PRKCH: variants seen among roughly 807,000 people sequenced by gnomAD.
PRKCH encodes protein kinase C eta, also known as protein kinase C eta type.
Under a neutral mutation model 82.5 loss-of-function variants are expected in PRKCH, and 28 were observed. That is an observed-to-expected ratio of 0.34 (90% CI 0.25 to 0.47). The LOEUF is 0.47. Ranked by LOEUF, PRKCH falls within the 20% of genes least tolerant of loss-of-function variation. The probability of loss-of-function intolerance (pLI) is 1.00; values close to 1 mark genes in which losing one functional copy is unlikely to be tolerated. For missense variants in PRKCH, 705 were observed against 881.8 expected (o/e 0.80, Z 2.54); for synonymous variants, 322 against 327.4 (o/e 0.98, Z 0.18).
intron 4 of PRKCH, among the ~76,000 whole-genome samples, chr14:61,446,737 C>T (rs1452947599): frequency 4.6e-5 from 7 of 152,216 alleles, no homozygotes; most frequent in East Asian, 3.8e-4. Context: ...AAGCCAGAAT[C>T]GCTGTCACTT....
intron 1 of PRKCH, among the ~76,000 whole-genome samples, chr14:61,339,161 C>T (rs1055378667): frequency 6.6e-6 from 1 of 151,532 alleles, no homozygotes; most frequent in African/African-American, 2.4e-5. Flanking sequence ...TCTGCTTGGG[C>T]CATTGTTTAG....
chr14:61,236,317 T>G (rs1242882819), intron 1 of PRKCH, among the ~76,000 whole-genome samples: 1 of 152,214 alleles, frequency 6.6e-6, no homozygotes, highest in Non-Finnish European at 1.5e-5. Flanking sequence ...CTGGACTGCA[T>G]TCCCAGATGG....
upstream of PRKCH, among the ~76,000 whole-genome samples, chr14:61,320,773 A>T (rs906303186): frequency 6.6e-6 from 1 of 152,132 alleles, no homozygotes; most frequent in African/African-American, 2.4e-5. Flanking sequence ...AAGGCTGCCC[A>T]CTCTGACTGC....
chr14:61,364,012 G>GTA (rs1437704390), intron 1 of PRKCH, among the ~76,000 whole-genome samples: 9 of 146,024 alleles, frequency 6.2e-5, no homozygotes, highest in African/African-American at 1.8e-4. Context: ...ATATTTGTGT[G>GTA]TATATATATA....
chr14:61,510,561 T>C (rs1411901015), intron 10 of PRKCH, among the ~76,000 whole-genome samples: 1 of 152,082 alleles, frequency 6.6e-6, no homozygotes, highest in Non-Finnish European at 1.5e-5. Flanking sequence ...GAGTACAGTT[T>C]AGTTTTTGTT....
At chr14:61,260,824 C>T (rs896575337) in intron 1 of PRKCH, among the ~76,000 whole-genome samples, 7 of 152,060 alleles carry the variant, frequency 4.6e-5, no homozygotes, top group African/African-American at 1.4e-4. Flanking sequence ...AATCACAAAA[C>T]GTGAAATGAA....
chr14:61,500,945 T>C (rs983267871), intron 10 of PRKCH, among the ~76,000 whole-genome samples: 1 of 152,108 alleles, frequency 6.6e-6, no homozygotes, highest in Non-Finnish European at 1.5e-5. Context: ...CAGACTCAGG[T>C]TGATTGCATG....
Position 61,280,252 on chromosome 14 carries a change from T to C in PRKCH, c.-19+92584T>C. The C allele has an allele frequency of 1.2e-6, 2 of 1,614,088 alleles. No individual in the cohort carries two copies. Among genetic ancestry groups the C allele is most frequent in the East Asian group, 4.5e-5 (2 of 44,866 alleles). ...GATGCTGCTGAAGATGAGGAGCTTG[T>C]GGCCGCCGAACGCGCGCACCGGGTA... On this transcript the variant is annotated intron_variant, in intron 1 of 3. Transcript: ENST00000555185. This position sits in a 1 kb window ranked among gnomAD's most constrained non-coding sequence, Gnocchi z 5.0.
intron 1 of PRKCH, among the ~76,000 whole-genome samples, chr14:61,372,301 A>C (rs1057140164): frequency 6.6e-6 from 1 of 152,108 alleles, no homozygotes; most frequent in South Asian, 2.1e-4. Flanking sequence ...AGCTGACGGA[A>C]CAGAGAAATA....
chr14:61,237,182 G>C (rs1284546108), intron 1 of PRKCH, among the ~76,000 whole-genome samples: 2 of 150,044 alleles, frequency 1.3e-5, no homozygotes, highest in Admixed American at 1.3e-4. Flanking sequence ...GGTGGAAGTT[G>C]CAGTAAGCTG....
chr14:61,255,862 C>CAT lies in PRKCH; in HGVS notation c.-19+68200_-19+68201dup, dbSNP rs2044993046. 3.9e-5 allele frequency among the ~76,000 whole-genome samples: 6 copies of CAT among 152,238 alleles called. No homozygotes were observed. In the South Asian group the frequency reaches 1.0e-3, roughly 26 times the overall value. On this transcript the variant is annotated intron_variant, in intron 1 of 3. Coordinates refer to the PRKCH transcript ENST00000555185. Reference sequence around the variant, plus strand: ...TAATAATACGATACCCTAGAGTGAACATATATACCCTTTCAAAGTGATGTC... The same window carrying CAT: ...TAATAATACGATACCCTAGAGTGAACATATATATACCCTTTCAAAGTGATGTC...
At chr14:61,512,898 C>T (rs568268990) in intron 10 of PRKCH, among the ~76,000 whole-genome samples, 4 of 151,508 alleles carry the variant, frequency 2.6e-5, no homozygotes, top group Non-Finnish European at 4.4e-5. Flanking sequence ...ATGATCATAT[C>T]CTCAAACTCC....
chr14:61,453,518 TTTTCTTTCTTTCTC>T (rs1162819645), intron 7 of PRKCH, among the ~76,000 whole-genome samples, 165 bp downstream of exon 7: 8 of 151,820 alleles, frequency 5.3e-5, no homozygotes, highest in South Asian at 2.1e-4. Context: ...TTCTTTTTTC[TTTTCTTTCTTTCTC>T]TTTCTTTCTT....
rs772113033 is a variant in PRKCH, at chr14:61,441,106, C to CG, written c.428-2005_428-2004insG. 6.1e-3 allele frequency among the ~76,000 whole-genome samples: 8 copies of CG among 1,308 alleles called. No individual in the cohort carries two copies. The Non-Finnish European group carries it at 0.094, about 15-fold the overall frequency. 0.9% of individuals were successfully genotyped at this position (1,308 alleles called of 152,430 possible). On this transcript the variant is annotated intron_variant, in intron 2 of 13. Coordinates refer to ENST00000332981, the MANE Select transcript of PRKCH (RefSeq NM_006255.5). ...GTAGAGAAGGAGTTTCATTATGTTG[C>CG]CAGACTGGTCTCCAATTCCTAGGCT... is the stretch of plus-strand genomic sequence containing the variant.
chr14:61,430,980 T>G (rs1883362239), intron 2 of PRKCH, among the ~76,000 whole-genome samples: 1 of 152,184 alleles, frequency 6.6e-6, no homozygotes, highest in Non-Finnish European at 1.5e-5. Flanking sequence ...GGTCTGGATC[T>G]CCTGACCTCG....
intron 1 of PRKCH, chr14:61,344,102 A>T (rs2045961876): frequency 1.3e-5 from 2 of 152,178 alleles, no homozygotes; most frequent in African/African-American, 4.8e-5. Context: ...TGTGCTTGGG[A>T]AAGAAGAGGT....
Position 61,280,473 on chromosome 14 carries a change from G to A in PRKCH, c.-19+92805G>A. ...AGACTGGCCGGCGCCAGTTGGGCGG[G>A]GGCGCCGTGCCCTGGAAGGCCAACG... On this transcript the variant is annotated intron_variant, in intron 1 of 3. Coordinates refer to the PRKCH transcript ENST00000555185. This position sits in a 1 kb window ranked among gnomAD's most constrained non-coding sequence, Gnocchi z 5.0. 1.2e-6 allele frequency: 2 copies of A among 1,613,340 alleles called. No homozygotes were observed. The highest frequency in any genetic ancestry group is 1.7e-6 in the Non-Finnish European group (2 of 1,179,708).
intron 10 of PRKCH, among the ~76,000 whole-genome samples, chr14:61,500,397 T>C (rs1026727017): frequency 1.3e-5 from 2 of 151,918 alleles, no homozygotes; most frequent in African/African-American, 4.8e-5. Context: ...GGGGTCTCGC[T>C]ATGTTGCCCA....
intron 1 of PRKCH, among the ~76,000 whole-genome samples, chr14:61,245,295 A>G (rs545627434): frequency 1.0e-3 from 153 of 152,296 alleles, no homozygotes; most frequent in Admixed American, 1.8e-3. Context: ...TAGCCCTAAG[A>G]TAGGTCGGAA....
Sources: gnomAD v4.1 joint callset for allele counts (sites outside exome capture counted in the v4.1 genomes callset) on GRCh38, gnomAD v4.1.1 for gene constraint, Gnocchi (gnomAD v3.1) non-coding constraint, MANE v1.5 for transcripts, NCBI Gene and HGNC (gene_info 2026-07-23, HGNC 2026-07-21) for gene names.